Variants in GRM7 observed in about 807,000 individuals in gnomAD.
GRM7 encodes glutamate metabotropic receptor 7, also known as metabotropic glutamate receptor 7.
GRM7 carries 35 observed loss-of-function variants against 84.5 expected under a neutral mutation model. That is an observed-to-expected ratio of 0.41 (90% CI 0.32 to 0.55). The LOEUF is 0.55. Ranked by LOEUF, GRM7 falls within the 20% of genes least tolerant of loss-of-function variation. GRM7 has a pLI of 0.19. For missense variants in GRM7, 1,003 were observed against 1,194.6 expected (o/e 0.84, Z 2.36); for synonymous variants, 487 against 455.1 (o/e 1.07, Z -0.89).
intron 2 of GRM7, among the ~76,000 whole-genome samples, chr3:7,225,257 T>C (rs1366875865): frequency 6.6e-6 from 1 of 151,452 alleles, no homozygotes; most frequent in Non-Finnish European, 1.5e-5. Context: ...TAAAGACTGA[T>C]ACCAATTTAC....
chr3:7,693,108 C>T lies in GRM7; in HGVS notation c.2698+12813C>T, dbSNP rs150984296. ...ATACAAAGAACATGGTCTGCTAGAACGGAAATGTTTAATTCTCAGAATTCA... is the reference window on the plus strand; with the variant it reads ...ATACAAAGAACATGGTCTGCTAGAATGGAAATGTTTAATTCTCAGAATTCA... On this transcript the variant is annotated intron_variant, in intron 9 of 9. Transcript: ENST00000357716. 3.6e-3 allele frequency among the ~76,000 whole-genome samples: 541 copies of T among 151,686 alleles called. 7 individuals are homozygous for T. Among genetic ancestry groups the T allele is most frequent in the Middle Eastern group, 0.02 (6 of 294 alleles).
At chr3:7,557,815 A>C (rs1249750120) in intron 7 of GRM7, among the ~76,000 whole-genome samples, 1 of 152,160 alleles carries the variant, frequency 6.6e-6, no homozygotes, top group Non-Finnish European at 1.5e-5. Flanking sequence ...TGTTCTCTTA[A>C]GACAGCCTTT....
At chr3:7,296,220 TTTG>T (rs1298134577) in intron 2 of GRM7, among the ~76,000 whole-genome samples, 1 of 152,134 alleles carries the variant, frequency 6.6e-6, no homozygotes, top group Admixed American at 6.6e-5. Flanking sequence ...AAATTAGCCT[TTTG>T]TTCTTTGAAT....
chr3:7,302,121 C>A (rs1225837344), intron 3 of GRM7, among the ~76,000 whole-genome samples: 1 of 151,904 alleles, frequency 6.6e-6, no homozygotes, highest in African/African-American at 2.4e-5. Context: ...GGAACCCTTA[C>A]ATTTTACTTT....
chr3:7,121,191 C>T (rs1466457099), intron 1 of GRM7, among the ~76,000 whole-genome samples: 2 of 152,142 alleles, frequency 1.3e-5, no homozygotes, highest in Non-Finnish European at 2.9e-5. Flanking sequence ...TCAATGTATC[C>T]TCCTACGGCA....
intron 2 of GRM7, among the ~76,000 whole-genome samples, chr3:7,275,495 A>G (rs1169548864): frequency 6.6e-6 from 1 of 152,152 alleles, no homozygotes; most frequent in Non-Finnish European, 1.5e-5. Flanking sequence ...GTGCCTCTGC[A>G]CTGTGAACTT....
At chr3:7,197,479 A>T (rs902362729) in intron 2 of GRM7, among the ~76,000 whole-genome samples, 3 of 152,046 alleles carry the variant, frequency 2.0e-5, no homozygotes, top group Non-Finnish European at 4.4e-5. Flanking sequence ...CAAAGCTGTG[A>T]TCACTGGATT....
chr3:7,276,203 ATATATG>A (rs1553641091), intron 2 of GRM7, among the ~76,000 whole-genome samples: 31,010 of 123,740 alleles, frequency 0.25, 3,546 homozygotes, highest in East Asian at 0.35. Flanking sequence ...ATATATATAT[ATATATG>A]TGTGTGTGTG....
chr3:7,064,479 T>TATATATATACACACACAC, intron 1 of GRM7, among the ~76,000 whole-genome samples: 3 of 99,384 alleles, frequency 3.0e-5, no homozygotes, highest in Non-Finnish European at 4.2e-5. Context: ...TATATATATA[T>TATATATATACACACACAC]ACACACATAT....
chr3:7,638,880 G>A (rs1470627226), intron 8 of GRM7, among the ~76,000 whole-genome samples: 2 of 152,186 alleles, frequency 1.3e-5, no homozygotes, highest in Non-Finnish European at 2.9e-5. Context: ...GAGAGCTAAT[G>A]ATTTGGCAGA....
At chr3:7,389,682 C>T (rs1694915253) in intron 4 of GRM7, among the ~76,000 whole-genome samples, 1 of 151,780 alleles carries the variant, frequency 6.6e-6, no homozygotes, top group African/African-American at 2.4e-5. Context: ...ACAACCCCTA[C>T]TGTTTTTGTT....
chr3:7,332,260 C>A (rs1701237230), intron 4 of GRM7, among the ~76,000 whole-genome samples: 1 of 152,154 alleles, frequency 6.6e-6, no homozygotes, highest in Non-Finnish European at 1.5e-5. Flanking sequence ...ATTCTCCCAA[C>A]AACTTTGTGT....
chr3:7,569,557 G>A (rs1297511292), intron 7 of GRM7, among the ~76,000 whole-genome samples: 2 of 152,116 alleles, frequency 1.3e-5, no homozygotes, highest in Non-Finnish European at 2.9e-5. Context: ...GCCAGCAGTG[G>A]CAACCTGCTG....
intron 9 of GRM7, among the ~76,000 whole-genome samples, chr3:7,725,611 T>C (rs969956522): frequency 5.3e-5 from 8 of 152,192 alleles, no homozygotes; most frequent in Non-Finnish European, 1.2e-4. Context: ...CTTCTACTTA[T>C]CACTGCATCT....
chr3:7,717,946 C>T (rs1038447525), intron 9 of GRM7, among the ~76,000 whole-genome samples: 2 of 152,302 alleles, frequency 1.3e-5, no homozygotes, highest in Middle Eastern at 3.4e-3. Context: ...CTGCTCAGTT[C>T]CTTCACCCTT....
chr3:7,142,552 C>T (rs994589118), intron 1 of GRM7, among the ~76,000 whole-genome samples: 4 of 152,300 alleles, frequency 2.6e-5, no homozygotes, highest in African/African-American at 4.8e-5. Context: ...AAACTGCTCT[C>T]ATGATCCAAT....
At chr3:7,173,208 C>T (rs1422897582) in intron 2 of GRM7, among the ~76,000 whole-genome samples, 7 of 152,168 alleles carry the variant, frequency 4.6e-5, no homozygotes, top group Non-Finnish European at 8.8e-5. Flanking sequence ...CATGACTAAA[C>T]TCCTTAAGAA....
chr3:7,546,290 T>C (rs1340234054), intron 7 of GRM7, among the ~76,000 whole-genome samples: 2 of 152,202 alleles, frequency 1.3e-5, no homozygotes, highest in African/African-American at 4.8e-5. Flanking sequence ...ATTTGCTTCA[T>C]TGCATAGCCA....
At chr3:7,576,893 G>A (rs931945173) in intron 7 of GRM7, among the ~76,000 whole-genome samples, 1 of 152,110 alleles carries the variant, frequency 6.6e-6, no homozygotes, top group East Asian at 1.9e-4. Flanking sequence ...AAATTTACTG[G>A]CTTACATAAT....
Sources: gnomAD v4.1 joint callset for allele counts (sites outside exome capture counted in the v4.1 genomes callset) on GRCh38, gnomAD v4.1.1 for gene constraint, MANE v1.5 for transcripts, NCBI Gene and HGNC (gene_info 2026-07-23, HGNC 2026-07-21) for gene names.